ANKRD35: variants seen among roughly 807,000 people sequenced by gnomAD.
The protein encoded by ANKRD35 is ankyrin repeat domain 35.
In ANKRD35, 102 loss-of-function variants were observed where a neutral mutation model predicts 109.9. The ratio of observed to expected loss-of-function variants is 0.93; its 90% CI spans 0.79 to 1.09. The LOEUF (loss-of-function observed/expected upper bound fraction) is 1.09, where lower values mean the gene tolerates loss of function less well. ANKRD35 is among the 50% of genes least tolerant of loss of function. The pLI, the probability that ANKRD35 is intolerant of heterozygous loss-of-function variation, is 0.00. For synonymous variants in ANKRD35, 515 were observed against 512.4 expected (o/e 1.01, Z -0.07); for missense variants, 1,240 against 1,230.1 (o/e 1.01, Z -0.12).
chr1:145,872,489 G>C lies in ANKRD35; in HGVS notation c.2280C>G (p.Ser760=). ...TGCCTGGCTCCCTACACGGGGACAA[G>C]GACCCCCGCAACTGCTGGTTTTCTT... The part of the protein sequence containing the change: ...LQEENQQLRG[S]LSPCREPGTS... The change falls in exon 10 of 14, where the codon TCC becomes TCG. Residue 760 remains serine, a synonymous_variant. Transcript: ENST00000355594. 1 of 1,594,926 alleles carries C rather than the reference G, an allele frequency of 6.3e-7. No homozygotes were observed. Among genetic ancestry groups the C allele is most frequent in the Non-Finnish European group, 8.5e-7 (1 of 1,171,696 alleles).
At position 145,875,483 on chromosome 1, in the gene ANKRD35, G is replaced by C. The variant is rs1220216713; in HGVS notation, c.561-477C>G. Among the ~76,000 whole-genome samples, 7 of 151,988 alleles carry C rather than the reference G, an allele frequency of 4.6e-5. No individual in the cohort carries two copies. The South Asian group carries it at 1.0e-3, about 23-fold the overall frequency. Reference sequence around the variant, plus strand: ...TCAAATGCCATTCCTTAGAGCTGCAGGAACAGAAATTAGGGGGCCAACTGG... The same window carrying C: ...TCAAATGCCATTCCTTAGAGCTGCACGAACAGAAATTAGGGGGCCAACTGG... On this transcript the variant is annotated intron_variant, in intron 7 of 13. Transcript: ENST00000355594.
chr1:145,872,271 C>T lies in ANKRD35; in HGVS notation c.2498G>A (p.Arg833Gln). ...ELRAREAASL[R>Q]QHEKTRGSLV... ...CGAACCCCGAGTTTTCTCGTGTTGCCGTAGGCTGGCTGCCTCCCGGGCCCT... is the reference window on the plus strand; with the variant it reads ...CGAACCCCGAGTTTTCTCGTGTTGCTGTAGGCTGGCTGCCTCCCGGGCCCT... The change falls in exon 10 of 14, where the codon CGG (arginine) becomes CAG (glutamine). Residue 833 changes from arginine (R) to glutamine (Q), a missense_variant. Physicochemically the swap from Arg to Gln is conservative, Grantham distance 43. Coordinates refer to ENST00000355594, the MANE Select transcript of ANKRD35 (RefSeq NM_144698.5). The T allele has an allele frequency of 6.2e-7, 1 of 1,611,856 alleles. No individual in the cohort carries two copies. The highest frequency in any genetic ancestry group is 8.5e-7 in the Non-Finnish European group (1 of 1,179,108).
rs1450989956 is a variant in ANKRD35, at chr1:145,885,837, C to T, written c.-79G>A. On this transcript the variant is annotated 5_prime_UTR_variant, in exon 1 of 14. Coordinates refer to ENST00000355594, the MANE Select transcript of ANKRD35 (RefSeq NM_144698.5). ...TTCCCGAACCCACCGGACTTGGCTG[C>T]GGCTGTGCAAGAGACAGCTGTCAAA... The T allele has an allele frequency of 1.2e-5, 14 of 1,134,494 alleles. No homozygotes were observed. The highest frequency in any genetic ancestry group is 1.9e-5 in the Non-Finnish European group (14 of 751,136). 70.3% of individuals were successfully genotyped at this position (1,134,494 alleles called of 1,614,324 possible).
chr1:145,867,513 G>T, intron 12 of ANKRD35, 121 bp from the exon 13 acceptor site: 1 of 763,410 alleles, frequency 1.3e-6, no homozygotes, highest in Non-Finnish European at 2.2e-6. Flanking sequence ...TTCACTTATA[G>T]TATTTAACTT....
At chr1:145,877,856 G>T in intron 4 of ANKRD35, 112 bp downstream of exon 4, 1 of 994,462 alleles carries the variant, frequency 1.0e-6, no homozygotes, top group Non-Finnish European at 1.6e-6. Flanking sequence ...CTCCTATTGG[G>T]GATGAGGCGA....
intron 10 of ANKRD35, among the ~76,000 whole-genome samples, chr1:145,870,783 G>A (rs887195976): frequency 2.6e-5 from 4 of 151,728 alleles, no homozygotes; most frequent in Admixed American, 2.6e-4. Flanking sequence ...GCAGTGGTGC[G>A]ATCTTGGCTC....
At chr1:145,881,497 C>G (rs587656329) in intron 1 of ANKRD35, among the ~76,000 whole-genome samples, 2 of 152,288 alleles carry the variant, frequency 1.3e-5, no homozygotes, top group Non-Finnish European at 2.9e-5. Flanking sequence ...ACAAAATAAG[C>G]AAAATGACTC....
Position 145,872,789 on chromosome 1 carries a change from T to A in ANKRD35, c.1980A>T (p.Pro660=). The A allele has an allele frequency of 6.2e-7, 1 of 1,614,028 alleles. No individual in the cohort carries two copies. The highest frequency in any genetic ancestry group is 2.2e-5 in the East Asian group (1 of 44,872). Residue 660 remains proline (P), a synonymous_variant, in exon 10 of 14, where the codon CCA becomes CCT. Transcript: ENST00000355594. ...QRLQREFVPK[P]QAQVQLQQLR... is the part of the protein sequence containing the mutation. ...ACTGCTGTAGCTGGACCTGCGCCTG[T>A]GGCTTGGGCACAAACTCCCGCTGCA... is the stretch of plus-strand genomic sequence containing the variant.
At chr1:145,874,381 A>G (rs1653981553) in intron 8 of ANKRD35, among the ~76,000 whole-genome samples, 189 bp from the exon 9 acceptor site, 1 of 152,174 alleles carries the variant, frequency 6.6e-6, no homozygotes, top group Non-Finnish European at 1.5e-5. Flanking sequence ...TTGGTTTCCT[A>G]TCCCAGAAAT....
In ANKRD35 at chr1:145,879,299, T is replaced by C. The variant is rs373321666; in HGVS notation, c.129A>G (p.Lys43=). 1.1e-5 allele frequency: 18 copies of C among 1,611,682 alleles called. No homozygotes were observed. Among genetic ancestry groups the C allele is most frequent in the Non-Finnish European group, 1.4e-5 (17 of 1,179,094 alleles). ...VGRVAALASR[K]SARPTKLDSN... ...AGTCAAGCTTGGTGGGTCGGGCAGATTTCCTGGAGGCCAGGGCAGCCACGC... is the reference window on the plus strand; with the variant it reads ...AGTCAAGCTTGGTGGGTCGGGCAGACTTCCTGGAGGCCAGGGCAGCCACGC... The change falls in exon 2 of 14, where the codon AAA becomes AAG. Residue 43 remains lysine (K), a synonymous_variant. Transcript: ENST00000355594.
At chr1:145,870,294 G>A (rs1192870215) in intron 10 of ANKRD35, among the ~76,000 whole-genome samples, 12 of 151,794 alleles carry the variant, frequency 7.9e-5, no homozygotes, top group African/African-American at 1.2e-4. Context: ...GGGTTTCACC[G>A]TGTTAGCCAG....
intron 1 of ANKRD35, among the ~76,000 whole-genome samples, chr1:145,881,305 A>C (rs797024493): frequency 1.3e-5 from 2 of 152,060 alleles, no homozygotes; most frequent in Non-Finnish European, 2.9e-5. Context: ...AACAAACAAA[A>C]AAAGAACCCA....
At position 145,878,385 on chromosome 1, in the gene ANKRD35, A is replaced by G; in HGVS notation, c.259+6T>C. 1 of 1,562,308 alleles carries G rather than the reference A, an allele frequency of 6.4e-7. No individual in the cohort carries two copies. Among genetic ancestry groups the G allele is most frequent in the South Asian group, 1.2e-5 (1 of 84,842 alleles). ...GCAGCGTGGCCCAGTGCTCCGGCTC[A>G]CTCACCATCCTCATTCTTGCTGTTG... On this transcript the variant is annotated splice_donor_region_variant and intron_variant, in intron 3 of 13. Coordinates refer to ENST00000355594, the MANE Select transcript of ANKRD35 (RefSeq NM_144698.5).
intron 10 of ANKRD35, 48 bp downstream of exon 10, chr1:145,871,934 A>G (rs1553738700): frequency 6.3e-7 from 1 of 1,595,902 alleles, no homozygotes; most frequent in South Asian, 1.1e-5. Flanking sequence ...ACTCCCAAAT[A>G]CACAGAAACT....
At chr1:145,883,332 G>T (rs987786557) in intron 1 of ANKRD35, among the ~76,000 whole-genome samples, 14 of 152,022 alleles carry the variant, frequency 9.2e-5, no homozygotes, top group African/African-American at 3.1e-4. Flanking sequence ...TGATCCACCC[G>T]CTTCAGCCTC....
In ANKRD35 at chr1:145,872,691, A is replaced by T; in HGVS notation, c.2078T>A (p.Leu693His). Residue 693 changes from leucine to histidine, a missense_variant, in exon 10 of 14, where the codon CTC (leucine) becomes CAC (histidine). Transcript: ENST00000355594. ...EKEATEKLRK[L>H]LASQSSGLRG... ...GAGACCGCTGCTCTGGGAGGCCAGGAGCTTCCGCAGCTTCTCTGTGGCCTC... is the reference window on the plus strand; with the variant it reads ...GAGACCGCTGCTCTGGGAGGCCAGGTGCTTCCGCAGCTTCTCTGTGGCCTC... 2 of 1,614,052 alleles carry T rather than the reference A, an allele frequency of 1.2e-6. No individual in the cohort carries two copies. Among genetic ancestry groups the T allele is most frequent in the Non-Finnish European group, 1.7e-6 (2 of 1,179,996 alleles).
rs1553738744 is a variant in ANKRD35 at position 145,872,044 on chromosome 1, C to A, written c.2725G>T (p.Ala909Ser). The A allele has an allele frequency of 6.2e-7, 1 of 1,613,682 alleles. No individual in the cohort carries two copies. The highest frequency in any genetic ancestry group is 8.5e-7 in the Non-Finnish European group (1 of 1,179,978). ...TCCATCTTCTCTTTCAGCAGCTCTGCCGTTTTCTCAAACTGCTCGGAGCGC... is the reference window on the plus strand; with the variant it reads ...TCCATCTTCTCTTTCAGCAGCTCTGACGTTTTCTCAAACTGCTCGGAGCGC... ...RGRSEQFEKT[A>S]ELLKEKMEHL... Residue 909 changes from alanine (A) to serine (S), a missense_variant, in exon 10 of 14, where the codon GCA becomes TCA. Physicochemically the swap from Ala to Ser is moderately conservative, Grantham distance 99. Transcript: ENST00000355594.
chr1:145,876,054 AAC>A (rs374630197), intron 7 of ANKRD35, 84 bp downstream of exon 7: 18,927 of 1,009,970 alleles, frequency 0.019, no homozygotes, highest in South Asian at 0.022. Flanking sequence ...AACACACACA[AAC>A]ACACACACAC....
rs1553738069 is a variant in ANKRD35 at position 145,868,373 on chromosome 1, G to A, written c.2815C>T (p.Gln939Ter). Residue 939 changes from glutamine (Q) to a stop codon, truncating the protein, a stop_gained, in exon 11 of 14, where the codon CAG (glutamine) becomes TAG (stop). Transcript: ENST00000355594. LOFTEE classifies it high-confidence loss of function. ...ATTGCTAGAACCTCTTCTGAAAGCT[G>A]CTCCAGCTTCTTCAACAACTCCTTG... ...KIKELLKKLE[Q>*]LSEEVLAIRG... 1 of 1,614,174 alleles carries A rather than the reference G, an allele frequency of 6.2e-7. No individual in the cohort carries two copies. The highest frequency in any genetic ancestry group is 1.7e-5 in the Admixed American group (1 of 60,010).
Sources: gnomAD v4.1 joint callset for allele counts (sites outside exome capture counted in the v4.1 genomes callset) on GRCh38, gnomAD v4.1.1 for gene constraint, MANE v1.5 for transcripts, NCBI Gene and HGNC (gene_info 2026-07-23, HGNC 2026-07-21) for gene names.